DNAH1: variants seen among roughly 807,000 people sequenced by gnomAD.
DNAH1 encodes the protein dynein axonemal heavy chain 1, also known as axonemal beta dynein heavy chain 1.
A neutral mutation model predicts 484.3 loss-of-function variants in DNAH1; 327 were observed. The ratio of observed to expected loss-of-function variants is 0.68; its 90% CI spans 0.62 to 0.74. DNAH1 has a LOEUF of 0.74. DNAH1 is among the 30% of genes least tolerant of loss of function. The pLI is 0.00. For synonymous variants in DNAH1, 2,192 were observed against 2,191.9 expected (o/e 1.00, Z 0.00); for missense variants, 5,052 against 5,546.8 (o/e 0.91, Z 2.83).
At chr3:52,375,795 A>G (rs1415995135) in intron 45 of DNAH1, among the ~76,000 whole-genome samples, 160 bp from the exon 46 acceptor site, 3 of 152,110 alleles carry the variant, frequency 2.0e-5, no homozygotes, top group Non-Finnish European at 4.4e-5. Flanking sequence ...AAATCAGGAA[A>G]AGCCACAAGA....
chr3:52,331,287 G>A lies in DNAH1; in HGVS notation c.1011G>A (p.Leu337=), dbSNP rs1455899609. Residue 337 remains leucine (L), a synonymous_variant, in exon 7 of 78, where the codon CTG becomes CTA. Transcript: ENST00000420323. ...LVRDEMGRPI[L]NAGVTTEGRP... Reference sequence around the variant, plus strand: ...GAGATGAGATGGGGAGGCCCATCCTGAATGCAGGGGTCACCACTGAAGGTA... The same window carrying A: ...GAGATGAGATGGGGAGGCCCATCCTAAATGCAGGGGTCACCACTGAAGGTA... 1.9e-6 allele frequency: 3 copies of A among 1,608,806 alleles called. No homozygotes were observed. Among genetic ancestry groups the A allele is most frequent in the African/African-American group, 2.7e-5 (2 of 75,004 alleles).
intron 47 of DNAH1, 114 bp downstream of exon 47, chr3:52,378,894 A>T (rs1157377005): frequency 1.4e-6 from 2 of 1,389,452 alleles, no homozygotes; most frequent in Non-Finnish European, 2.0e-6. Flanking sequence ...GCTTCCTGGA[A>T]CATGGAGGTG....
Position 52,396,631 on chromosome 3 carries a change from A to G in DNAH1, c.11444A>G (p.Lys3815Arg), listed in dbSNP as rs1559575629. 3.7e-6 allele frequency: 6 copies of G among 1,613,056 alleles called. No homozygotes were observed. Among genetic ancestry groups the G allele is most frequent in the Non-Finnish European group, 5.1e-6 (6 of 1,179,496 alleles). ...LNSCHKVMEF[K>R]SLLLSLCLFH... Reference sequence around the variant, plus strand: ...CACCTCCCCCAGGTGATGGAGTTCAAGTCTCTGCTGCTGTCTCTGTGCTTG... The same window carrying G: ...CACCTCCCCCAGGTGATGGAGTTCAGGTCTCTGCTGCTGTCTCTGTGCTTG... The change falls in exon 72 of 78, where the codon AAG becomes AGG. Residue 3815 changes from lysine (K) to arginine (R), a missense_variant. By Grantham distance (26) the Lys-to-Arg change is conservative (BLOSUM62 2). Coordinates refer to ENST00000420323, the MANE Select transcript of DNAH1 (RefSeq NM_015512.5).
At chr3:52,336,486 G>A (rs1212948121) in intron 8 of DNAH1, among the ~76,000 whole-genome samples, 1 of 152,138 alleles carries the variant, frequency 6.6e-6, no homozygotes, top group Non-Finnish European at 1.5e-5. Flanking sequence ...CCTAGGAGGT[G>A]GAGGTTGCAG....
intron 63 of DNAH1, 47 bp downstream of exon 63, chr3:52,391,650 C>T (rs757752260): frequency 6.8e-6 from 11 of 1,606,660 alleles, no homozygotes; most frequent in Non-Finnish European, 9.4e-6. Context: ...TCTGCCTCTG[C>T]CTGCCCAGCT....
chr3:52,322,472 C>G lies in DNAH1; in HGVS notation c.30C>G (p.Ser10Arg). The change falls in exon 2 of 78, where the codon AGC (serine) becomes AGG (arginine). Residue 10 changes from serine to arginine, a missense_variant. Ser to Arg is a moderately radical substitution (Grantham distance 110). Around this residue, in one of 4 missense-constraint regions of DNAH1, gnomAD observed 1,263 missense variants for 1,218.8 expected, o/e 1.04. Transcript: ENST00000420323. The part of the protein sequence containing the change: MEQPNSKGY[S>R]LGRTPQGPEC... ...AGCAGCCTAACAGTAAAGGCTATAG[C>G]CTGGGAAGGACCCCTCAGGGCCCAG... 1 of 1,612,844 alleles carries G rather than the reference C, an allele frequency of 6.2e-7. No homozygotes were observed. Among genetic ancestry groups the G allele is most frequent in the Admixed American group, 1.7e-5 (1 of 59,614 alleles).
At chr3:52,398,531 G>A (rs1323013364) in intron 75 of DNAH1, among the ~76,000 whole-genome samples, 5 of 152,098 alleles carry the variant, frequency 3.3e-5, no homozygotes, top group African/African-American at 9.7e-5. Flanking sequence ...CTCATGATCC[G>A]CCTGCCTCGG....
chr3:52,360,469 C>T, intron 28 of DNAH1, 45 bp downstream of exon 28: 1 of 1,516,164 alleles, frequency 6.6e-7, no homozygotes, highest in Non-Finnish European at 9.1e-7. Context: ...GACCCTCCCT[C>T]TAGTTCTCTC....
In DNAH1 at chr3:52,393,367, G is replaced by A. The variant is rs534018336; in HGVS notation, c.10508G>A (p.Arg3503His). ...NLKKRISNIN[R>H]YLTYSLYSNV... Reference sequence around the variant, plus strand: ...AAGAAGCGCATCTCCAACATCAACCGCTACCTGACCTACAGCCTCTACAGC... The same window carrying A: ...AAGAAGCGCATCTCCAACATCAACCACTACCTGACCTACAGCCTCTACAGC... Residue 3503 changes from arginine to histidine, a missense_variant, in exon 66 of 78, where the codon CGC (arginine) becomes CAC (histidine). By Grantham distance (29) the Arg-to-His change is conservative. Transcript: ENST00000420323. 8.1e-6 allele frequency: 13 copies of A among 1,613,928 alleles called. No individual in the cohort carries two copies. Among genetic ancestry groups the A allele is most frequent in the African/African-American group, 5.3e-5 (4 of 75,006 alleles).
In DNAH1 at chr3:52,322,512, C is replaced by T; in HGVS notation, c.70C>T (p.Pro24Ser). 1.2e-6 allele frequency: 2 copies of T among 1,613,772 alleles called. No individual in the cohort carries two copies. The highest frequency in any genetic ancestry group is 1.7e-6 in the Non-Finnish European group (2 of 1,179,796). Residue 24 changes from proline (P) to serine (S), a missense_variant, in exon 2 of 78, where the codon CCT (proline) becomes TCT (serine). Around this residue, in one of 4 missense-constraint regions of DNAH1, gnomAD observed 1,263 missense variants for 1,218.8 expected, o/e 1.04. Coordinates refer to ENST00000420323, the MANE Select transcript of DNAH1 (RefSeq NM_015512.5). ...TCAGGGCCCAGAGTGCAGCAGTGCT[C>T]CTGCAGTCCAAGTGGGGACCCACAG... is the stretch of plus-strand genomic sequence containing the variant. ...TPQGPECSSA[P>S]AVQVGTHRGL...
At chr3:52,341,246 G>A (rs1701927582) in intron 8 of DNAH1, among the ~76,000 whole-genome samples, 1 of 152,160 alleles carries the variant, frequency 6.6e-6, no homozygotes. Flanking sequence ...TTCATCTTCA[G>A]GCGAGATGGC....
chr3:52,372,759 T>A, intron 43 of DNAH1, 137 bp from the exon 44 acceptor site: 1 of 1,183,054 alleles, frequency 8.5e-7, no homozygotes, highest in South Asian at 1.5e-5. Flanking sequence ...TGAGGGTGGG[T>A]CAAGGCATCT....
At chr3:52,344,466 C>T (rs550804494) in intron 8 of DNAH1, 24 bp from the exon 9 acceptor site, 6 of 1,608,048 alleles carry the variant, frequency 3.7e-6, no homozygotes, top group African/African-American at 2.7e-5. Context: ...CCCTGATTCC[C>T]CCATCTCCCA....
At chr3:52,319,722 T>G (rs897536260) in intron 1 of DNAH1, among the ~76,000 whole-genome samples, 2 of 152,212 alleles carry the variant, frequency 1.3e-5, no homozygotes, top group African/African-American at 2.4e-5. Context: ...GGGTCTTTCT[T>G]TCTGTCTGTC....
chr3:52,399,439 G>T, intron 76 of DNAH1, 106 bp from the exon 77 acceptor site: 1 of 1,062,448 alleles, frequency 9.4e-7, no homozygotes. Context: ...GTGATGATGG[G>T]CAGGCAGGCA....
chr3:52,343,693 C>A (rs1702031129), intron 8 of DNAH1, among the ~76,000 whole-genome samples: 1 of 152,050 alleles, frequency 6.6e-6, no homozygotes, highest in Non-Finnish European at 1.5e-5. Context: ...GCTAAAGGGA[C>A]TATTCAGATG....
chr3:52,363,421 C>T (rs1702946079), intron 32 of DNAH1, among the ~76,000 whole-genome samples: 1 of 152,238 alleles, frequency 6.6e-6, no homozygotes, highest in African/African-American at 2.4e-5. Context: ...ACTTCAGGTG[C>T]AAGGGCCTTG....
rs547665517 is a variant in DNAH1, at chr3:52,337,956, G to A, written c.1286+5562G>A. 8.6e-5 allele frequency among the ~76,000 whole-genome samples: 13 copies of A among 151,948 alleles called. No individual in the cohort carries two copies. In the South Asian group the frequency reaches 2.7e-3, roughly 32 times the overall value. ...ACCACAGGTGTGAGCTACCACGCTT[G>A]GTTAATTTTTGTATTTTTTTAGAGA... On this transcript the variant is annotated intron_variant, in intron 8 of 77. Coordinates refer to ENST00000420323, the MANE Select transcript of DNAH1 (RefSeq NM_015512.5).
At chr3:52,350,427 C>A in intron 15 of DNAH1, 81 bp from the exon 16 acceptor site, 1 of 1,346,586 alleles carries the variant, frequency 7.4e-7, no homozygotes, top group Non-Finnish European at 1.0e-6. Flanking sequence ...CTCTCTAGTA[C>A]CCGTCTCTGG....
Sources: gnomAD v4.1 joint callset for allele counts (sites outside exome capture counted in the v4.1 genomes callset) on GRCh38, gnomAD v4.1.1 for gene constraint, gnomAD v4.1.1 regional missense constraint, MANE v1.5 for transcripts, NCBI Gene and HGNC (gene_info 2026-07-23, HGNC 2026-07-21) for gene names.